Variants in FOXP1 observed in about 807,000 individuals in gnomAD.
FOXP1 encodes the protein forkhead box P1.
A neutral mutation model predicts 98.2 loss-of-function variants in FOXP1; 15 were observed. The ratio of observed to expected loss-of-function variants is 0.15; its 90% confidence interval spans 0.10 to 0.24. The LOEUF (loss-of-function observed/expected upper bound fraction) is 0.24. FOXP1 is among the 10% of genes least tolerant of loss of function. The pLI is 1.00. For missense variants in FOXP1, 633 were observed against 848.5 expected (o/e 0.75, Z 3.15); for synonymous variants, 371 against 314.5 (o/e 1.18, Z -1.90).
intron 7 of FOXP1, among the ~76,000 whole-genome samples, chr3:71,071,037 C>T (rs1352899155): frequency 6.6e-6 from 1 of 152,170 alleles, no homozygotes; most frequent in African/African-American, 2.4e-5. Context: ...ACACAGAAAA[C>T]ATTTTCCGGG....
intron 3 of FOXP1, among the ~76,000 whole-genome samples, chr3:71,404,970 C>T (rs889241787): frequency 3.3e-5 from 5 of 152,206 alleles, no homozygotes; most frequent in Non-Finnish European, 7.3e-5. Flanking sequence ...CGTGCAGAGA[C>T]TGAATCCGGT....
At chr3:71,558,802 C>CTTTTTTTTTTTTTTTTTTT (rs35405702) in intron 2 of FOXP1, among the ~76,000 whole-genome samples, 5 of 117,546 alleles carry the variant, frequency 4.3e-5, no homozygotes, top group African/African-American at 1.7e-4. Context: ...CCGATTCTCA[C>CTTTTTTTTTTTTTTTTTTT]TTTTTTTTTT....
intron 5 of FOXP1, among the ~76,000 whole-genome samples, chr3:71,279,920 G>C (rs570946782): frequency 7.9e-5 from 12 of 151,914 alleles, no homozygotes; most frequent in Non-Finnish European, 1.3e-4. Flanking sequence ...TCAGGAGATC[G>C]AGACTATCCT....
At chr3:71,448,522 G>T (rs2086656682) in intron 3 of FOXP1, among the ~76,000 whole-genome samples, 1 of 152,174 alleles carries the variant, frequency 6.6e-6, no homozygotes, top group Non-Finnish European at 1.5e-5. Flanking sequence ...ATGGGTTAGG[G>T]TCTGTTGTTA....
intron 2 of FOXP1, among the ~76,000 whole-genome samples, chr3:71,533,493 T>C (rs552076613): frequency 6.6e-6 from 1 of 152,314 alleles, no homozygotes; most frequent in African/African-American, 2.4e-5. Context: ...GTTAATTGAC[T>C]GTTTATGTTA....
rs76856231 is a variant in FOXP1 at position 71,537,467 on chromosome 3, T to C, written c.-297-43912A>G. ...TGAATGGAAGATGCAGGATAATGAATGGCACCAGGCAGGCGCAGAGGCCAA... is the reference window on the plus strand; with the variant it reads ...TGAATGGAAGATGCAGGATAATGAACGGCACCAGGCAGGCGCAGAGGCCAA... On this transcript the variant is annotated intron_variant, in intron 2 of 20. Coordinates refer to ENST00000649528, the MANE Select transcript of FOXP1 (RefSeq NM_001349338.3). 3.2e-3 allele frequency among the ~76,000 whole-genome samples: 485 copies of C among 152,300 alleles called. 17 individuals are homozygous for C. In the East Asian group the frequency reaches 0.081, roughly 26 times the overall value.
At chr3:71,002,265 T>C (rs1314972643) in intron 12 of FOXP1, among the ~76,000 whole-genome samples, 1 of 152,234 alleles carries the variant, frequency 6.6e-6, no homozygotes, top group Non-Finnish European at 1.5e-5. Context: ...CTACTTGTAA[T>C]GACTTTTACC....
At chr3:71,095,099 C>A (rs777381661) in intron 7 of FOXP1, among the ~76,000 whole-genome samples, 1 of 152,234 alleles carries the variant, frequency 6.6e-6, no homozygotes, top group African/African-American at 2.4e-5. Context: ...AATAGAGCTG[C>A]GTAGGCAGCG....
In FOXP1 at chr3:70,956,054, G is replaced by GT. The variant is rs535202716; in HGVS notation, c.*3192dup. ...TTCTGCAATTCCGTTACATACAGTA[G>GT]TTTTTTTTCCAAAGCTATTTTTTTT... On this transcript the variant is annotated 3_prime_UTR_variant, in exon 21 of 21. Transcript: ENST00000649528. The GT allele has an allele frequency of 2.6e-5, 6 of 232,638 alleles. No individual in the cohort carries two copies. The highest frequency in any genetic ancestry group is 6.0e-5 in the East Asian group (1 of 16,570). 14.4% of individuals were successfully genotyped at this position (232,638 alleles called of 1,614,324 possible).
chr3:71,115,734 ATTC>A (rs2058323981), intron 6 of FOXP1, among the ~76,000 whole-genome samples: 1 of 95,640 alleles, frequency 1.0e-5, no homozygotes, highest in Non-Finnish European at 2.0e-5. Context: ...ACACAAAACT[ATTC>A]TTTTTTTTTT....
chr3:71,581,228 A>G, intron 2 of FOXP1: 4 of 985,412 alleles, frequency 4.1e-6, no homozygotes, highest in Non-Finnish European at 4.8e-6. Context: ...CTTGGAAATA[A>G]TTAATAGTTA....
intron 3 of FOXP1, among the ~76,000 whole-genome samples, chr3:71,365,381 C>G (rs1037431543): frequency 6.6e-6 from 1 of 151,082 alleles, no homozygotes; most frequent in Non-Finnish European, 1.5e-5. Flanking sequence ...AGGGCCCATG[C>G]GCCCACATAG....
In FOXP1 at chr3:71,569,797, T is replaced by G. The variant is rs2047194693; in HGVS notation, c.-298+11752A>C. Among the ~76,000 whole-genome samples the G allele has an allele frequency of 6.6e-5, 10 of 151,858 alleles. No homozygotes were observed. The South Asian group carries it at 2.1e-3, about 32-fold the overall frequency. On this transcript the variant is annotated intron_variant, in intron 2 of 20. Coordinates refer to ENST00000649528, the MANE Select transcript of FOXP1 (RefSeq NM_001349338.3). Reference sequence around the variant, plus strand: ...CAGTCTCCACTTTCTTTTTTTTTTTTTTTGAGACGGAGTCTCGCTCTGTCG... The same window carrying G: ...CAGTCTCCACTTTCTTTTTTTTTTTGTTTGAGACGGAGTCTCGCTCTGTCG...
chr3:71,347,839 C>A (rs1259295869), intron 4 of FOXP1, among the ~76,000 whole-genome samples: 2 of 151,508 alleles, frequency 1.3e-5, no homozygotes, highest in Non-Finnish European at 2.9e-5. Flanking sequence ...GAGCAGAGAT[C>A]GTGCCACCGA....
chr3:71,328,996 A>AC (rs2076115056), intron 4 of FOXP1, among the ~76,000 whole-genome samples: 1 of 150,714 alleles, frequency 6.6e-6, no homozygotes, highest in Non-Finnish European at 1.5e-5. Context: ...AAAACAAAAA[A>AC]AAAAAAACTG....
chr3:71,311,338 C>T (rs932505618), intron 4 of FOXP1, among the ~76,000 whole-genome samples: 1 of 152,212 alleles, frequency 6.6e-6, no homozygotes, highest in African/African-American at 2.4e-5. Context: ...GATCATCCTG[C>T]CTTTGCCTCC....
intron 3 of FOXP1, among the ~76,000 whole-genome samples, chr3:71,472,158 A>G (rs574331464): frequency 1.3e-5 from 2 of 152,100 alleles, no homozygotes; most frequent in Non-Finnish European, 2.9e-5. Flanking sequence ...TAAGTAAGGA[A>G]TTCTTATTTT....
intron 5 of FOXP1, among the ~76,000 whole-genome samples, chr3:71,251,779 T>C (rs1304822004): frequency 6.6e-6 from 1 of 152,208 alleles, no homozygotes; most frequent in Non-Finnish European, 1.5e-5. Context: ...AATCCAAAAG[T>C]ACACTGTCAT....
At chr3:71,129,664 G>A (rs1007080953) in intron 6 of FOXP1, among the ~76,000 whole-genome samples, 1 of 152,244 alleles carries the variant, frequency 6.6e-6, no homozygotes, top group African/African-American at 2.4e-5. Flanking sequence ...GGAGGGAGGG[G>A]AGAGAGGCAA....
Sources: allele counts gnomAD v4.1 joint callset (sites outside exome capture counted in the v4.1 genomes callset), GRCh38; gene constraint gnomAD v4.1.1; transcripts MANE v1.5; gene names NCBI Gene and HGNC (gene_info 2026-07-23, HGNC 2026-07-21).